FANCD2: variants seen among roughly 807,000 people sequenced by gnomAD.
FANCD2 encodes FA complementation group D2, also known as Fanconi anemia group D2 protein.
FANCD2 carries 131 observed loss-of-function variants against 192.3 expected under a neutral mutation model. The observed-to-expected ratio is 0.68, with a 90% confidence interval of 0.59 to 0.79. The LOEUF (loss-of-function observed/expected upper bound fraction) is 0.79, where lower values mean the gene tolerates loss of function less well. FANCD2 is among the 30% of genes least tolerant of loss of function. FANCD2 has a pLI of 0.00. For synonymous variants in FANCD2, 524 were observed against 612.5 expected (o/e 0.86, Z 2.13); for missense variants, 1,508 against 1,701.6 (o/e 0.89, Z 2.00).
chr3:10,054,471 ATATTTTTTTTTTTTTTT>A (rs2087343588), intron 18 of FANCD2, among the ~76,000 whole-genome samples: 1 of 16,664 alleles, frequency 6.0e-5, no homozygotes, highest in Non-Finnish European at 9.2e-5. Flanking sequence ...ATATATATAT[ATATTTTTTTTTTTTTTT>A]TTTTTTTTTT....
At chr3:10,077,772 G>A (rs1314974136) in intron 29 of FANCD2, among the ~76,000 whole-genome samples, 1 of 151,918 alleles carries the variant, frequency 6.6e-6, no homozygotes, top group African/African-American at 2.4e-5. Context: ...GTTCATACCT[G>A]TAATCCTGGC....
intron 23 of FANCD2, 105 bp from the exon 24 acceptor site, chr3:10,065,288 CA>C: frequency 2.4e-6 from 2 of 836,598 alleles, no homozygotes; most frequent in Non-Finnish European, 2.1e-6. Flanking sequence ...GACTCTGTCT[CA>C]AAAAAAGAAG....
At chr3:10,054,207 A>G (rs1169773215) in intron 18 of FANCD2, among the ~76,000 whole-genome samples, 2 of 151,226 alleles carry the variant, frequency 1.3e-5, no homozygotes, top group South Asian at 2.1e-4. Context: ...GTGAGACTCT[A>G]TCTCAAAATA....
chr3:10,072,560 G>A (rs1238289808), intron 26 of FANCD2, among the ~76,000 whole-genome samples: 4 of 152,176 alleles, frequency 2.6e-5, no homozygotes, highest in Non-Finnish European at 4.4e-5. Flanking sequence ...GGTTACAGGC[G>A]CGAGCCACCC....
At chr3:10,085,394 C>CTTTT (rs1242296810) in intron 32 of FANCD2, among the ~76,000 whole-genome samples, 7 of 136,938 alleles carry the variant, frequency 5.1e-5, no homozygotes, top group African/African-American at 1.3e-4. Flanking sequence ...TTTTTTCTTT[C>CTTTT]TTTTTTTTTT....
intron 19 of FANCD2, 87 bp downstream of exon 19, chr3:10,060,490 G>T: frequency 9.9e-7 from 1 of 1,013,736 alleles, no homozygotes; most frequent in East Asian, 2.5e-5. Flanking sequence ...CATTTTAGCA[G>T]TAGAAGTTAC....
intron 29 of FANCD2, 45 bp downstream of exon 29, chr3:10,074,718 A>G (rs1693443023): frequency 6.3e-7 from 1 of 1,590,636 alleles, no homozygotes; most frequent in Non-Finnish European, 8.6e-7. Context: ...TCTTTCAGAA[A>G]GTTCCTCAGG....
intron 1 of FANCD2, among the ~76,000 whole-genome samples, chr3:10,027,324 A>T (rs1460619520): frequency 6.6e-6 from 1 of 152,190 alleles, no homozygotes; most frequent in African/African-American, 2.4e-5. Context: ...ACACTTTTCA[A>T]GGAAGATGAC....
intron 3 of FANCD2, among the ~76,000 whole-genome samples, 191 bp from the exon 4 acceptor site, chr3:10,034,278 T>G (rs2086674559): frequency 7.6e-6 from 1 of 132,204 alleles, no homozygotes; most frequent in Admixed American, 8.8e-5. Context: ...TGAGCTGAGA[T>G]CACGCCACTG....
intron 18 of FANCD2, among the ~76,000 whole-genome samples, chr3:10,056,515 TATTA>T (rs929088241): frequency 1.2e-4 from 18 of 152,054 alleles, no homozygotes; most frequent in South Asian, 6.2e-4. Context: ...TTTTGATTTT[TATTA>T]ATTAATTAAT....
intron 3 of FANCD2, 73 bp downstream of exon 3, chr3:10,033,045 T>C: frequency 8.3e-7 from 1 of 1,206,284 alleles, no homozygotes; most frequent in South Asian, 1.3e-5. Context: ...GTTTTCTAAA[T>C]AGAGAGGCAA....
Position 10,081,115 on chromosome 3 carries a change from A to T in FANCD2, c.2992A>T (p.Asn998Tyr), listed in dbSNP as rs746952691. 1.2e-6 allele frequency: 2 copies of T among 1,614,172 alleles called. No individual in the cohort carries two copies. The highest frequency in any genetic ancestry group is 2.7e-5 in the African/African-American group (2 of 75,064). ...TTTATTATAGAACAAAGGAAGCCGG[A>T]ATATTGGATTCTCACATCTCCAACA... Reference protein sequence around the residue: ...VPFLKNKGSRNIGFSHLQQRS... With the variant: ...VPFLKNKGSRYIGFSHLQQRS... The change falls in exon 31 of 44, where the codon AAT becomes TAT. Residue 998 changes from asparagine (N) to tyrosine (Y), a missense_variant. Around this residue, in one of 5 missense-constraint regions of FANCD2, gnomAD observed 796 missense variants for 879.4 expected, o/e 0.91. Transcript: ENST00000675286.
intron 26 of FANCD2, among the ~76,000 whole-genome samples, chr3:10,072,548 G>A (rs184116581): frequency 3.2e-4 from 48 of 152,312 alleles, no homozygotes; most frequent in Middle Eastern, 3.4e-3. Flanking sequence ...CAAAGTGCTT[G>A]GGGTTACAGG....
Position 10,034,782 on chromosome 3 carries a change from C to T in FANCD2, c.361C>T (p.Gln121Ter). Residue 121 changes from glutamine (Q) to a stop codon, truncating the protein, a stop_gained, in exon 5 of 44, where the codon CAG (glutamine) becomes TAG (stop). Transcript: ENST00000675286. LOFTEE classifies it high-confidence loss of function. ...CTGCCTTTTGTCTTGTGAGCGTCTGCAGGATGAGGAAGCCAGGTGTGGAGA... is the reference window on the plus strand; with the variant it reads ...CTGCCTTTTGTCTTGTGAGCGTCTGTAGGATGAGGAAGCCAGGTGTGGAGA... ...RNCLLSCERL[Q>*]DEEASMGASY... 6.4e-7 allele frequency: 1 copy of T among 1,558,058 alleles called. No homozygotes were observed. The highest frequency in any genetic ancestry group is 8.7e-7 in the Non-Finnish European group (1 of 1,150,288).
At chr3:10,034,324 C>CAAAAAAA (rs879221957) in intron 3 of FANCD2, 145 bp from the exon 4 acceptor site, 69 of 418,178 alleles carry the variant, frequency 1.7e-4, no homozygotes, top group African/African-American at 3.4e-4. Context: ...AACTCCATCT[C>CAAAAAAA]AAAAAAAAAA....
rs765324038 is a variant in FANCD2 at position 10,052,459 on chromosome 3, G to C, written c.1618G>C (p.Ala540Pro). 1 of 1,612,316 alleles carries C rather than the reference G, an allele frequency of 6.2e-7. No homozygotes were observed. The highest frequency in any genetic ancestry group is 1.3e-5 in the African/African-American group (1 of 74,860). Reference sequence around the variant, plus strand: ...ACTCTTCTATGTTCTCAGCACACTGGCATTTAGCAAACAGAATGAAGCCAG... The same window carrying C: ...ACTCTTCTATGTTCTCAGCACACTGCCATTTAGCAAACAGAATGAAGCCAG... ...RKLFYVLSTL[A>P]FSKQNEASSH... The change falls in exon 18 of 44, where the codon GCA (alanine) becomes CCA (proline). Residue 540 changes from alanine to proline, a missense_variant. Transcript: ENST00000675286.
intron 34 of FANCD2, 61 bp downstream of exon 34, chr3:10,087,325 C>T (rs909232385): frequency 2.0e-6 from 3 of 1,487,028 alleles, no homozygotes; most frequent in Non-Finnish European, 2.7e-6. Context: ...ATATCTCACA[C>T]TTACAAACTT....
chr3:10,035,322 A>G, intron 6 of FANCD2, 89 bp downstream of exon 6: 4 of 1,176,368 alleles, frequency 3.4e-6, no homozygotes. Flanking sequence ...AGGATAGAGT[A>G]GGGTTAATTG....
intron 29 of FANCD2, among the ~76,000 whole-genome samples, chr3:10,075,874 G>A (rs1693510277): frequency 6.6e-6 from 1 of 151,670 alleles, no homozygotes; most frequent in East Asian, 1.9e-4. Flanking sequence ...GGGACTACAG[G>A]TGCCTGCCAC....
Sources: allele counts gnomAD v4.1 joint callset (sites outside exome capture counted in the v4.1 genomes callset), GRCh38; gene constraint gnomAD v4.1.1; regional missense constraint gnomAD v4.1.1; transcripts MANE v1.5; gene names NCBI Gene and HGNC (gene_info 2026-07-23, HGNC 2026-07-21).